The following SRD5A2 variants were observed in gnomAD, a reference collection of about 807,000 sequenced individuals.
SRD5A2 encodes 3-oxo-5-alpha-steroid 4-dehydrogenase 2.
A neutral mutation model predicts 27.4 loss-of-function variants in SRD5A2; 30 were observed. The ratio of observed to expected loss-of-function variants is 1.10; its 90% CI spans 0.82 to 1.49. The LOEUF is 1.49. Ranked by LOEUF, SRD5A2 falls within the 40% of genes most tolerant of loss-of-function variation. The probability of loss-of-function intolerance (pLI) is 0.00; values close to 1 mark genes in which losing one functional copy is unlikely to be tolerated. For synonymous variants in SRD5A2, 141 were observed against 133.6 expected (o/e 1.06, Z -0.38); for missense variants, 348 against 323.4 (o/e 1.08, Z -0.58).
At chr2:31,636,046 T>C in the SRD5A2 span, among the ~76,000 whole-genome samples, 2 of 152,118 alleles carry the variant, frequency 1.3e-5, no homozygotes, top group African/African-American at 2.4e-5. Context: ...TTATTCCATA[T>C]AAATTTTAGG....
chr2:31,538,105 G>T (rs1451920026), intron 1 of SRD5A2, among the ~76,000 whole-genome samples: 3 of 152,170 alleles, frequency 2.0e-5, no homozygotes, highest in Non-Finnish European at 4.4e-5. Flanking sequence ...CAGGATATCT[G>T]CAGTCCTTAA....
At chr2:31,541,364 CA>C (rs1020973086) in intron 1 of SRD5A2, among the ~76,000 whole-genome samples, 41 of 144,004 alleles carry the variant, frequency 2.8e-4, no homozygotes, top group Admixed American at 4.1e-4. Flanking sequence ...ACAAGGCATT[CA>C]AAAAAAAAAG....
chr2:31,612,189 G>T, the SRD5A2 span, among the ~76,000 whole-genome samples: 1 of 151,902 alleles, frequency 6.6e-6, no homozygotes, highest in Non-Finnish European at 1.5e-5. Context: ...GTTGAGGCAT[G>T]AGAATCACTT....
chr2:31,637,932 TTGCTC>T, the SRD5A2 span, among the ~76,000 whole-genome samples: 2 of 152,080 alleles, frequency 1.3e-5, no homozygotes, highest in African/African-American at 4.8e-5. Context: ...GCATTTATAT[TTGCTC>T]TGATCTTTAT....
At chr2:31,531,929 A>G (rs1406846984) in intron 2 of SRD5A2, among the ~76,000 whole-genome samples, 5 of 152,212 alleles carry the variant, frequency 3.3e-5, no homozygotes, top group Admixed American at 3.3e-4. Flanking sequence ...AGTTCCACCA[A>G]TAAGATGTAA....
chr2:31,652,229 C>T, the SRD5A2 span, among the ~76,000 whole-genome samples: 3 of 152,112 alleles, frequency 2.0e-5, no homozygotes, highest in Non-Finnish European at 4.4e-5. Context: ...GTGCTGTGAT[C>T]ACAGGCATGA....
the SRD5A2 span, among the ~76,000 whole-genome samples, chr2:31,651,072 G>A: frequency 5.3e-5 from 8 of 152,198 alleles, no homozygotes; most frequent in African/African-American, 9.6e-5. Context: ...AAGTGTCTGC[G>A]TATCTGATCA....
the SRD5A2 span, among the ~76,000 whole-genome samples, chr2:31,624,685 G>A: frequency 1.6e-3 from 237 of 152,188 alleles, 1 homozygote; most frequent in Non-Finnish European, 2.5e-3. Context: ...AAGGACATGA[G>A]CTCATCCTTT....
chr2:31,583,640 C>G (rs1052687067), upstream of SRD5A2, among the ~76,000 whole-genome samples: 1 of 18,406 alleles, frequency 5.4e-5, no homozygotes, highest in African/African-American at 1.8e-4. Context: ...AAAAAAAAAG[C>G]AAAAAAAAAA....
chr2:31,653,682 G>A, the SRD5A2 span, among the ~76,000 whole-genome samples: 4 of 151,772 alleles, frequency 2.6e-5, no homozygotes, highest in African/African-American at 7.3e-5. Flanking sequence ...TTTTTGAGAC[G>A]GAGTTTTGCT....
At chr2:31,606,051 A>C in the SRD5A2 span, among the ~76,000 whole-genome samples, 2 of 151,988 alleles carry the variant, frequency 1.3e-5, no homozygotes, top group Non-Finnish European at 2.9e-5. Flanking sequence ...AGACACAGAA[A>C]GACATACATC....
chr2:31,592,334 C>G, the SRD5A2 span, among the ~76,000 whole-genome samples: 17 of 152,164 alleles, frequency 1.1e-4, no homozygotes, highest in Admixed American at 2.0e-4. Flanking sequence ...AACACCCTGG[C>G]TAACCGGAAG....
chr2:31,524,892 T>C lies in SRD5A2; in HGVS notation c.*1304A>G, dbSNP rs1665739039. ...GCTGGGGTGACCCCTTCACAAGAGTTTGCAAACTCAAATGCTTACTAGCTA... is the reference window on the plus strand; with the variant it reads ...GCTGGGGTGACCCCTTCACAAGAGTCTGCAAACTCAAATGCTTACTAGCTA... On this transcript the variant is annotated 3_prime_UTR_variant, in exon 5 of 5. Coordinates refer to ENST00000622030, the MANE Select transcript of SRD5A2 (RefSeq NM_000348.4). 1 of 227,052 alleles carries C rather than the reference T, an allele frequency of 4.4e-6. No individual in the cohort carries two copies. The highest frequency in any genetic ancestry group is 1.8e-4 in the South Asian group (1 of 5,482). 14.1% of individuals were successfully genotyped at this position (227,052 alleles called of 1,614,324 possible). A position where few individuals can be genotyped will look rare whatever the true frequency, so the allele number is the denominator to read the frequency against.
At chr2:31,643,151 T>C in the SRD5A2 span, among the ~76,000 whole-genome samples, 3 of 152,124 alleles carry the variant, frequency 2.0e-5, no homozygotes, top group Non-Finnish European at 4.4e-5. Flanking sequence ...CTCTTAAGAT[T>C]TGTGCATTTC....
At chr2:31,591,216 C>A in the SRD5A2 span, among the ~76,000 whole-genome samples, 1 of 152,174 alleles carries the variant, frequency 6.6e-6, no homozygotes, top group African/African-American at 2.4e-5. Context: ...CCAGAATCTA[C>A]AATGGACTCC....
At chr2:31,543,835 T>C (rs1486399205) in intron 1 of SRD5A2, among the ~76,000 whole-genome samples, 1 of 152,100 alleles carries the variant, frequency 6.6e-6, no homozygotes, top group African/African-American at 2.4e-5. Context: ...TAGAAGTAAG[T>C]TCCTCCTTTT....
At chr2:31,584,739 G>A (rs997373181), upstream of SRD5A2, among the ~76,000 whole-genome samples, 1 of 152,168 alleles carries the variant, frequency 6.6e-6, no homozygotes, top group Non-Finnish European at 1.5e-5. Flanking sequence ...TATGGGAGGT[G>A]GAGCAAGATG....
At chr2:31,570,275 T>G (rs780479133) in intron 1 of SRD5A2, among the ~76,000 whole-genome samples, 8 of 152,108 alleles carry the variant, frequency 5.3e-5, no homozygotes, top group Non-Finnish European at 1.2e-4. Flanking sequence ...AAACAAAAAC[T>G]ACATGATTAT....
At chr2:31,648,447 G>T in the SRD5A2 span, among the ~76,000 whole-genome samples, 1 of 152,106 alleles carries the variant, frequency 6.6e-6, no homozygotes, top group African/African-American at 2.4e-5. Flanking sequence ...ATTTCAACCT[G>T]CCAATAACAT....
Sources: gnomAD v4.1 joint callset for allele counts (sites outside exome capture counted in the v4.1 genomes callset) on GRCh38, gnomAD v4.1.1 for gene constraint, MANE v1.5 for transcripts, NCBI Gene and HGNC (gene_info 2026-07-23, HGNC 2026-07-21) for gene names.